SNTB1: variants seen among roughly 807,000 people sequenced by gnomAD.
SNTB1 encodes the protein syntrophin beta 1, also known as beta-1-syntrophin.
A neutral mutation model predicts 48.9 loss-of-function variants in SNTB1; 36 were observed. The ratio of observed to expected loss-of-function variants is 0.74; its 90% CI spans 0.56 to 0.97. The LOEUF (loss-of-function observed/expected upper bound fraction) is 0.97. Among genes scored for constraint, SNTB1 ranks in the 50% least tolerant of loss-of-function variants. SNTB1 has a pLI of 0.00. For missense variants in SNTB1, 786 were observed against 703.4 expected (o/e 1.12, Z -1.33); for synonymous variants, 299 against 294.6 (o/e 1.01, Z -0.15).
chr8:120,778,348 G>A (rs867311947), intron 1 of SNTB1, among the ~76,000 whole-genome samples: 1 of 152,246 alleles, frequency 6.6e-6, no homozygotes, highest in Non-Finnish European at 1.5e-5. Flanking sequence ...GCAACCCAGG[G>A]TGCCTAAAAC....
intron 1 of SNTB1, among the ~76,000 whole-genome samples, chr8:120,715,985 G>A (rs991410897): frequency 2.3e-4 from 35 of 152,100 alleles, no homozygotes; most frequent in African/African-American, 8.0e-4. Context: ...GTTAATCCAG[G>A]TGCACATCCT....
chr8:120,607,559 C>T (rs1816545411), intron 3 of SNTB1, among the ~76,000 whole-genome samples: 1 of 152,148 alleles, frequency 6.6e-6, no homozygotes, highest in Non-Finnish European at 1.5e-5. Context: ...GGCCATTTAA[C>T]TTTTCATTCC....
At chr8:120,717,222 T>C (rs141662123) in intron 1 of SNTB1, among the ~76,000 whole-genome samples, 164 of 152,342 alleles carry the variant, frequency 1.1e-3, no homozygotes, top group African/African-American at 3.9e-3. Context: ...TCACTGATAA[T>C]GGAAATGCAG....
chr8:120,598,943 A>G (rs1223574541), intron 3 of SNTB1, among the ~76,000 whole-genome samples: 1 of 152,188 alleles, frequency 6.6e-6, no homozygotes, highest in Non-Finnish European at 1.5e-5. Context: ...ATGTGGTTAC[A>G]TGTAGGACCC....
chr8:120,614,337 G>T (rs1227172590), intron 3 of SNTB1, among the ~76,000 whole-genome samples: 4 of 152,188 alleles, frequency 2.6e-5, no homozygotes, highest in Non-Finnish European at 5.9e-5. Context: ...CAACCAATCT[G>T]TCTTAAACTA....
At chr8:120,727,622 T>C (rs1238858182) in intron 1 of SNTB1, among the ~76,000 whole-genome samples, 3 of 152,206 alleles carry the variant, frequency 2.0e-5, no homozygotes, top group African/African-American at 7.2e-5. Flanking sequence ...TCATCATATG[T>C]AGACTATTGC....
At chr8:120,725,264 T>C (rs1396721161) in intron 1 of SNTB1, among the ~76,000 whole-genome samples, 1 of 152,164 alleles carries the variant, frequency 6.6e-6, no homozygotes, top group Non-Finnish European at 1.5e-5. Flanking sequence ...ATTCTTCAAA[T>C]TGTCCCCAGT....
At chr8:120,549,026 T>C (rs1487503816) in intron 4 of SNTB1, 68 bp from the exon 5 acceptor site, 5 of 1,309,594 alleles carry the variant, frequency 3.8e-6, no homozygotes, top group African/African-American at 3.0e-5. Context: ...TATCACCTTG[T>C]ATAAGACCCA....
chr8:120,780,439 T>C (rs773046628), intron 1 of SNTB1, among the ~76,000 whole-genome samples: 1 of 152,222 alleles, frequency 6.6e-6, no homozygotes, highest in Admixed American at 6.5e-5. Context: ...GTCACATTCT[T>C]TGAGCAGTGC....
intron 2 of SNTB1, among the ~76,000 whole-genome samples, chr8:120,679,104 A>T (rs982033368): frequency 5.9e-5 from 9 of 152,094 alleles, no homozygotes; most frequent in South Asian, 2.1e-4. Context: ...GTGCTTCCCC[A>T]CCACTTGTTG....
intron 3 of SNTB1, among the ~76,000 whole-genome samples, chr8:120,614,059 G>A (rs1816669058): frequency 6.6e-6 from 1 of 152,208 alleles, no homozygotes; most frequent in Non-Finnish European, 1.5e-5. Flanking sequence ...AGAGCAGTGA[G>A]GATGAGAATT....
At chr8:120,605,119 C>A (rs4338145) in intron 3 of SNTB1, among the ~76,000 whole-genome samples, 35,943 of 151,988 alleles carry the variant, frequency 0.24, 4,399 homozygotes, top group African/African-American at 0.3. Flanking sequence ...CCTTTGTGTA[C>A]GAGGAATGCC....
intron 1 of SNTB1, among the ~76,000 whole-genome samples, chr8:120,799,684 T>C (rs555007884): frequency 6.6e-6 from 1 of 152,118 alleles, no homozygotes; most frequent in Non-Finnish European, 1.5e-5. Context: ...GTTAATAGGA[T>C]TTCCGCATGC....
At chr8:120,780,131 G>C (rs914951590) in intron 1 of SNTB1, among the ~76,000 whole-genome samples, 19 of 149,038 alleles carry the variant, frequency 1.3e-4, no homozygotes, top group Admixed American at 1.2e-3. Flanking sequence ...AACCAGGAAA[G>C]AGTGCTATCA....
intron 3 of SNTB1, among the ~76,000 whole-genome samples, chr8:120,603,037 C>T (rs1051341316): frequency 6.6e-6 from 1 of 151,906 alleles, no homozygotes; most frequent in Admixed American, 6.6e-5. Context: ...TTTTGTGGGG[C>T]TATCGCCATA....
chr8:120,613,929 T>A (rs889412463), intron 3 of SNTB1, among the ~76,000 whole-genome samples: 2 of 152,226 alleles, frequency 1.3e-5, no homozygotes. Context: ...TAATAAGAGC[T>A]TATCTTTATA....
chr8:120,553,885 C>G (rs1340096980), intron 4 of SNTB1, among the ~76,000 whole-genome samples: 1 of 152,194 alleles, frequency 6.6e-6, no homozygotes, highest in African/African-American at 2.4e-5. Context: ...GTAGTCCCAG[C>G]TACTCGGGAG....
At chr8:120,564,130 A>G (rs1211080117) in intron 4 of SNTB1, among the ~76,000 whole-genome samples, 1 of 151,992 alleles carries the variant, frequency 6.6e-6, no homozygotes, top group Admixed American at 6.6e-5. Flanking sequence ...AAAAAAAAGA[A>G]TTATGTACAT....
chr8:120,695,253 C>A (rs1487474937), intron 1 of SNTB1, among the ~76,000 whole-genome samples: 4 of 152,176 alleles, frequency 2.6e-5, no homozygotes, highest in Non-Finnish European at 5.9e-5. Context: ...TCGGTTCCAC[C>A]AACTAGTGCC....
Sources: allele counts gnomAD v4.1 joint callset (sites outside exome capture counted in the v4.1 genomes callset), GRCh38; gene constraint gnomAD v4.1.1; transcripts MANE v1.5; gene names NCBI Gene and HGNC (gene_info 2026-07-23, HGNC 2026-07-21).